RSPO3: variants seen among roughly 807,000 people sequenced by gnomAD.
RSPO3 encodes R-spondin-3.
RSPO3 carries 17 observed loss-of-function variants against 36.5 expected under a neutral mutation model. That is an observed-to-expected ratio of 0.47 (90% CI 0.32 to 0.70). The LOEUF is 0.70. RSPO3 is among the 30% of genes least tolerant of loss of function. The pLI is 0.04. For missense variants in RSPO3, 294 were observed against 322.5 expected, an observed-to-expected ratio of 0.91 and a Z score of 0.68; for synonymous variants, 108 against 107.0, an observed-to-expected ratio of 1.01 and a Z score of -0.06.
intron 4 of RSPO3, among the ~76,000 whole-genome samples, chr6:127,173,538 A>G (rs185323989): frequency 1.1e-4 from 17 of 151,970 alleles, no homozygotes; most frequent in Non-Finnish European, 7.4e-5. Flanking sequence ...ATAAAGTAAA[A>G]TTTACTAAAA....
intron 1 of RSPO3, among the ~76,000 whole-genome samples, chr6:127,132,808 C>A (rs1368317675): frequency 6.6e-6 from 1 of 152,034 alleles, no homozygotes; most frequent in East Asian, 1.9e-4. Flanking sequence ...TTATTATATA[C>A]TAAGGGATTA....
intron 4 of RSPO3, among the ~76,000 whole-genome samples, chr6:127,185,533 TG>T (rs1775275523): frequency 6.6e-6 from 1 of 152,072 alleles, no homozygotes; most frequent in South Asian, 2.1e-4. Flanking sequence ...TCTTTACATA[TG>T]TAGCTAATAA....
chr6:127,181,863 T>G (rs1408916702), intron 4 of RSPO3, among the ~76,000 whole-genome samples: 1 of 151,878 alleles, frequency 6.6e-6, no homozygotes, highest in Non-Finnish European at 1.5e-5. Context: ...CCTGTCTCAG[T>G]ACATTTTTGT....
In RSPO3 at chr6:127,150,896, A is replaced by C. The variant is rs187405481; in HGVS notation, c.436+324A>C. Among the ~76,000 whole-genome samples, 533 of 151,866 alleles carry C rather than the reference A, an allele frequency of 3.5e-3. 2 individuals are homozygous for C. The highest frequency in any genetic ancestry group is 0.017 in the Middle Eastern group (5 of 294). On this transcript the variant is annotated intron_variant, in intron 3 of 4. Coordinates refer to ENST00000356698, the MANE Select transcript of RSPO3 (RefSeq NM_032784.5). ...ATTATTTAATGAATTTTATTTAAGT[A>C]AACATTCAGCCAAGACACACATATG...
intron 4 of RSPO3, among the ~76,000 whole-genome samples, chr6:127,176,717 G>A (rs961224441): frequency 6.6e-6 from 1 of 151,688 alleles, no homozygotes; most frequent in Non-Finnish European, 1.5e-5. Context: ...ACACTTTAAG[G>A]AAGACATATT....
At chr6:127,149,320 A>T (rs537974749) in intron 2 of RSPO3, among the ~76,000 whole-genome samples, 2 of 152,168 alleles carry the variant, frequency 1.3e-5, no homozygotes, top group East Asian at 3.9e-4. Context: ...CCTTTCTCAA[A>T]AATGTAAATT....
chr6:127,129,648 A>AT (rs369066769), intron 1 of RSPO3, among the ~76,000 whole-genome samples: 1 of 151,954 alleles, frequency 6.6e-6, no homozygotes. Flanking sequence ...TTTTTCACTA[A>AT]TTTTTTTCCC....
Position 127,196,099 on chromosome 6 carries a change from C to A in RSPO3, c.*92C>A. 1.9e-6 allele frequency: 2 copies of A among 1,037,448 alleles called. No homozygotes were observed. Among genetic ancestry groups the A allele is most frequent in the Non-Finnish European group, 2.7e-6 (2 of 736,810 alleles). The allele number at this position is 1,037,448 out of a possible 1,614,324, so 64.3% of individuals were successfully genotyped here. On this transcript the variant is annotated 3_prime_UTR_variant, in exon 5 of 5. Coordinates refer to ENST00000356698, the MANE Select transcript of RSPO3 (RefSeq NM_032784.5). ...TCTAGCCATTAGGACCACAAATGGA[C>A]ATGTCAGTTATTGCTCTGTCTAAAC...
rs1035106110 is a variant in RSPO3 at position 127,199,260 on chromosome 6, A to C, written c.*3253A>C. On this transcript the variant is annotated 3_prime_UTR_variant, in exon 5 of 5. Coordinates refer to ENST00000356698, the MANE Select transcript of RSPO3 (RefSeq NM_032784.5). Reference sequence around the variant, plus strand: ...TTGCAAGATTGTTATGAGAATTAAAAGGTTCTTCATTCAATATAATAATAA... The same window carrying C: ...TTGCAAGATTGTTATGAGAATTAAACGGTTCTTCATTCAATATAATAATAA... Among the ~76,000 whole-genome samples, 1 of 152,208 alleles carries C rather than the reference A, an allele frequency of 6.6e-6. No homozygotes were observed. The highest frequency in any genetic ancestry group is 2.4e-5 in the African/African-American group (1 of 41,460).
intron 1 of RSPO3, among the ~76,000 whole-genome samples, chr6:127,129,295 G>A (rs909726126): frequency 8.6e-5 from 13 of 152,014 alleles, no homozygotes; most frequent in Admixed American, 5.9e-4. Context: ...ATTAAATCGT[G>A]TTTATGAGTC....
intron 4 of RSPO3, among the ~76,000 whole-genome samples, chr6:127,159,299 T>C (rs1053557383): frequency 6.6e-6 from 1 of 152,134 alleles, no homozygotes; most frequent in Non-Finnish European, 1.5e-5. Flanking sequence ...ATTTTGTTCT[T>C]TGGTTAGTTT....
At chr6:127,127,025 T>G (rs943096348) in intron 1 of RSPO3, among the ~76,000 whole-genome samples, 1 of 152,078 alleles carries the variant, frequency 6.6e-6, no homozygotes, top group Non-Finnish European at 1.5e-5. Context: ...TGTGCTACAT[T>G]CACTCCCAAA....
intron 4 of RSPO3, among the ~76,000 whole-genome samples, chr6:127,172,376 C>T (rs1774956634): frequency 6.6e-6 from 1 of 151,408 alleles, no homozygotes; most frequent in Admixed American, 6.6e-5. Flanking sequence ...CCATAGAGCC[C>T]CACTAAATAA....
chr6:127,161,444 A>G (rs1039474701), intron 4 of RSPO3, among the ~76,000 whole-genome samples: 5 of 152,324 alleles, frequency 3.3e-5, no homozygotes, highest in Admixed American at 2.0e-4. Context: ...GAACTCAGCC[A>G]GCAGTTACTA....
At chr6:127,189,190 C>T (rs1775358466) in intron 4 of RSPO3, among the ~76,000 whole-genome samples, 1 of 152,040 alleles carries the variant, frequency 6.6e-6, no homozygotes, top group Non-Finnish European at 1.5e-5. Flanking sequence ...TGATCTGCAG[C>T]AGGGTCCTAA....
At chr6:127,133,414 G>A (rs1166938174) in intron 1 of RSPO3, among the ~76,000 whole-genome samples, 3 of 152,008 alleles carry the variant, frequency 2.0e-5, no homozygotes, top group Admixed American at 2.0e-4. Context: ...AGGAGGCAGG[G>A]ACATTGATTT....
At chr6:127,135,283 T>A (rs1431669573) in intron 1 of RSPO3, among the ~76,000 whole-genome samples, 2 of 151,984 alleles carry the variant, frequency 1.3e-5, no homozygotes, top group Non-Finnish European at 2.9e-5. Context: ...TAGCCGGGTG[T>A]GGTGGCACAT....
intron 4 of RSPO3, among the ~76,000 whole-genome samples, chr6:127,191,617 T>C (rs1173720004): frequency 3.9e-5 from 6 of 152,228 alleles, no homozygotes; most frequent in Admixed American, 3.9e-4. Context: ...GGCTTTTTGG[T>C]CTACATGGAG....
chr6:127,165,436 A>C (rs1338308184), intron 4 of RSPO3, among the ~76,000 whole-genome samples: 2 of 152,012 alleles, frequency 1.3e-5, no homozygotes, highest in Non-Finnish European at 2.9e-5. Context: ...GTTTTATTTC[A>C]AATTTGGTTT....
Sources: gnomAD v4.1 joint callset for allele counts (sites outside exome capture counted in the v4.1 genomes callset) on GRCh38, gnomAD v4.1.1 for gene constraint, MANE v1.5 for transcripts, NCBI Gene and HGNC (gene_info 2026-07-23, HGNC 2026-07-21) for gene names.